The following SMG6 variants were observed in gnomAD, a reference collection of about 807,000 sequenced individuals.
SMG6 encodes the protein SMG6 nonsense mediated mRNA decay factor, also known as telomerase-binding protein EST1A.
In SMG6, 66 loss-of-function variants were observed where a neutral mutation model predicts 142.2. The observed-to-expected ratio is 0.46, with a 90% CI of 0.38 to 0.57. The LOEUF (loss-of-function observed/expected upper bound fraction) is 0.57. Among genes scored for constraint, SMG6 ranks in the 20% least tolerant of loss-of-function variants. The pLI is 0.00. For synonymous variants in SMG6, 779 were observed against 702.4 expected (o/e 1.11, Z -1.72); for missense variants, 1,793 against 1,832.0 (o/e 0.98, Z 0.39).
At chr17:2,155,504 G>A (rs1465789601) in intron 13 of SMG6, among the ~76,000 whole-genome samples, 1 of 152,170 alleles carries the variant, frequency 6.6e-6, no homozygotes, top group Non-Finnish European at 1.5e-5. Flanking sequence ...GAAAAAGTAT[G>A]CCTCTTATAA....
At chr17:2,157,991 T>C (rs973713423) in intron 13 of SMG6, among the ~76,000 whole-genome samples, 5 of 152,126 alleles carry the variant, frequency 3.3e-5, no homozygotes, top group South Asian at 2.1e-4. Flanking sequence ...GACACATAAA[T>C]GTTTGAGTAA....
At position 2,198,214 on chromosome 17, in the gene SMG6, C is replaced by T. The variant is rs78729202; in HGVS notation, c.2870-9699G>A. Among the ~76,000 whole-genome samples the T allele has an allele frequency of 3.5e-3, 527 of 152,254 alleles. 1 individual carries two copies. Among genetic ancestry groups the T allele is most frequent in the South Asian group, 7.2e-3 (35 of 4,832 alleles). On this transcript the variant is annotated intron_variant, in intron 10 of 18. Transcript: ENST00000263073. ...GAGTTGGACAGACTCCAGGAAATTACGCTTAGTGAAAAGCCAGCTTCAAAA... is the reference window on the plus strand; with the variant it reads ...GAGTTGGACAGACTCCAGGAAATTATGCTTAGTGAAAAGCCAGCTTCAAAA...
At chr17:2,282,505 A>G in intron 8 of SMG6, 142 bp downstream of exon 8, 1 of 728,574 alleles carries the variant, frequency 1.4e-6, no homozygotes, top group South Asian at 1.7e-5. Flanking sequence ...GTACATGAGA[A>G]GGGAAAAGAC....
intron 11 of SMG6, among the ~76,000 whole-genome samples, 180 bp from the exon 12 acceptor site, chr17:2,187,011 G>A (rs890012362): frequency 1.3e-5 from 2 of 152,216 alleles, no homozygotes; most frequent in African/African-American, 4.8e-5. Flanking sequence ...GACAAAGAGA[G>A]AACCAGTGTA....
intron 6 of SMG6, 148 bp downstream of exon 6, chr17:2,292,404 G>A (rs2075057616): frequency 1.3e-6 from 1 of 761,926 alleles, no homozygotes; most frequent in Admixed American, 2.4e-5. Flanking sequence ...TTAATTCTGA[G>A]AGTAACCGTA....
chr17:2,297,577 C>T lies in SMG6; in HGVS notation c.2041-224G>A, dbSNP rs216199. ...ATGAACACATGAACACACACACACA[C>T]ACACACACACGCTCTCTCCACACAA... is the stretch of plus-strand genomic sequence containing the variant. On this transcript the variant is annotated intron_variant, in intron 3 of 18. Transcript: ENST00000263073. 0.55 allele frequency among the ~76,000 whole-genome samples: 83,035 copies of T among 151,732 alleles called. 23,819 individuals carry two copies. The highest frequency in any genetic ancestry group is 0.69 in the East Asian group (3,580 of 5,158).
intron 15 of SMG6, among the ~76,000 whole-genome samples, chr17:2,080,929 C>T (rs1691439383): frequency 6.6e-6 from 1 of 152,216 alleles, no homozygotes; most frequent in Admixed American, 6.5e-5. Context: ...GCCACCGCGC[C>T]CGGCCAGCAC....
rs58801957 is a variant in SMG6, at chr17:2,081,926, C to T, written c.3565G>A (p.Glu1189Lys). 3.4e-3 allele frequency: 5,556 copies of T among 1,614,170 alleles called. 172 individuals carry two copies. The African/African-American group carries it at 0.065, about 19-fold the overall frequency. Residue 1189 changes from glutamate (E) to lysine (K), a missense_variant, in exon 15 of 19, where the codon GAA becomes AAA. Glu to Lys is a moderately conservative substitution (Grantham distance 56). Coordinates refer to ENST00000263073, the MANE Select transcript of SMG6 (RefSeq NM_017575.5). The part of the protein sequence containing the change: ...EEDVVIEDFE[E>K]DSEAEGSGGE... ...CCGCTGCCTTCAGCCTCTGAATCTT[C>T]CTCAAAGTCTTCAATCACCACATCC...
At chr17:2,116,611 T>C (rs1597410275) in intron 13 of SMG6, among the ~76,000 whole-genome samples, 1 of 152,006 alleles carries the variant, frequency 6.6e-6, no homozygotes, top group East Asian at 1.9e-4. Flanking sequence ...CTGGGTGTGG[T>C]GGCGGGTACA....
chr17:2,081,405 T>C (rs985485320), intron 15 of SMG6, among the ~76,000 whole-genome samples: 17 of 152,268 alleles, frequency 1.1e-4, no homozygotes, highest in South Asian at 4.1e-4. Flanking sequence ...AAGCAGACTG[T>C]GGCCATGCCA....
intron 13 of SMG6, among the ~76,000 whole-genome samples, 198 bp downstream of exon 13, chr17:2,172,460 C>G (rs550321422): frequency 6.6e-6 from 1 of 152,074 alleles, no homozygotes. Flanking sequence ...CACACACACA[C>G]CAAAGGAAGT....
At chr17:2,186,922 A>C (rs117830008) in intron 11 of SMG6, 91 bp from the exon 12 acceptor site, 42,047 of 1,355,490 alleles carry the variant, frequency 0.031, 761 homozygotes, top group Middle Eastern at 0.043. Flanking sequence ...GCTCTTAGGG[A>C]AGGGAGACCA....
chr17:2,086,560 T>C (rs1157166687), intron 13 of SMG6, among the ~76,000 whole-genome samples: 1 of 152,220 alleles, frequency 6.6e-6, no homozygotes, highest in Non-Finnish European at 1.5e-5. Context: ...TTCTGACGTT[T>C]ACGCCAACCT....
chr17:2,286,043 T>A (rs1346813675), intron 6 of SMG6, among the ~76,000 whole-genome samples: 1 of 152,078 alleles, frequency 6.6e-6, no homozygotes, highest in African/African-American at 2.4e-5. Flanking sequence ...TGCAAAAGCA[T>A]CAAAAAGAAT....
rs557159539 is a variant in SMG6 at position 2,164,313 on chromosome 17, C to T, written c.3357+8345G>A. Among the ~76,000 whole-genome samples the T allele has an allele frequency of 2.0e-5, 3 of 151,834 alleles. No homozygotes were observed. The South Asian group carries it at 6.2e-4, about 32-fold the overall frequency. ...TGGCAGGTGCTTGTAGTCCCAGCTA[C>T]TCAAGAGGCTGAGGCAGGAGAATCG... On this transcript the variant is annotated intron_variant, in intron 13 of 18. Coordinates refer to ENST00000263073, the MANE Select transcript of SMG6 (RefSeq NM_017575.5).
At chr17:2,063,611 G>C (rs1381891197) in intron 18 of SMG6, among the ~76,000 whole-genome samples, 1 of 152,238 alleles carries the variant, frequency 6.6e-6, no homozygotes, top group East Asian at 1.9e-4. Context: ...TTCCCAACAA[G>C]GCCTTCAGCA....
intron 8 of SMG6, among the ~76,000 whole-genome samples, chr17:2,247,714 C>T (rs1054871815): frequency 6.6e-6 from 1 of 151,914 alleles, no homozygotes; most frequent in African/African-American, 2.4e-5. Context: ...ACTTGGGAGG[C>T]GGAGACTGCA....
At chr17:2,144,708 TTTAAA>T (rs2070606846) in intron 13 of SMG6, among the ~76,000 whole-genome samples, 1 of 152,174 alleles carries the variant, frequency 6.6e-6, no homozygotes, top group Non-Finnish European at 1.5e-5. Context: ...CAGAGATCAC[TTTAAA>T]TTAAACCATC....
intron 13 of SMG6, among the ~76,000 whole-genome samples, chr17:2,117,394 C>CA (rs1466128988): frequency 1.3e-5 from 2 of 152,070 alleles, no homozygotes; most frequent in Non-Finnish European, 2.9e-5. Context: ...TTGTTTAACA[C>CA]AAAAAATCCC....
Sources: allele counts gnomAD v4.1 joint callset (sites outside exome capture counted in the v4.1 genomes callset), GRCh38; gene constraint gnomAD v4.1.1; transcripts MANE v1.5; gene names NCBI Gene and HGNC (gene_info 2026-07-23, HGNC 2026-07-21).